Variants in MACF1 observed in about 807,000 individuals in gnomAD.
MACF1 encodes microtubule actin crosslinking factor 1.
Under a neutral mutation model 854.8 loss-of-function variants are expected in MACF1, and 193 were observed. The ratio of observed to expected loss-of-function variants is 0.23; its 90% CI spans 0.20 to 0.25. The LOEUF (loss-of-function observed/expected upper bound fraction) is 0.25, where lower values mean the gene tolerates loss of function less well. Ranked by LOEUF, MACF1 falls within the 10% of genes least tolerant of loss-of-function variation. The pLI is 1.00. For synonymous variants in MACF1, 3,185 were observed against 3,226.7 expected (o/e 0.99, Z 0.44); for missense variants, 7,722 against 8,929.1 (o/e 0.86, Z 5.45).
rs187137636 is a variant in MACF1 at position 39,381,979 on chromosome 1, G to T, written c.13675G>T (p.Val4559Phe). The T allele has an allele frequency of 2.8e-4, 455 of 1,614,008 alleles. 3 individuals carry two copies. The East Asian group carries it at 5.9e-3, about 21-fold the overall frequency. Residue 4559 changes from valine to phenylalanine, a missense_variant, in exon 56 of 101, where the codon GTT becomes TTT. Val to Phe is a conservative substitution (Grantham distance 50). Around this residue, in one of 15 missense-constraint regions of MACF1, gnomAD observed 2,807 missense variants for 3,235.8 expected, o/e 0.87. Transcript: ENST00000564288. ...TTCCCGATGGGAAAGGGCCACTGAG[G>T]TTACTGTGGCTCGGCAAAGGCAGCT... The part of the protein sequence containing the change: ...LNSRWERATE[V>F]TVARQRQLEE...
intron 58 of MACF1, chr1:39,411,712 C>G (rs1445362269): frequency 1.2e-6 from 2 of 1,613,826 alleles, no homozygotes; most frequent in Non-Finnish European, 1.7e-6. Flanking sequence ...AGTAACTCCT[C>G]TAGTTGAGCT....
In MACF1 at chr1:39,123,727, T is replaced by G. The variant is rs1165123191; in HGVS notation, c.220+39289T>G. Among the ~76,000 whole-genome samples, 6 of 141,264 alleles carry G rather than the reference T, an allele frequency of 4.2e-5. 1 individual carries two copies. The highest frequency in any genetic ancestry group is 2.1e-4 in the East Asian group (1 of 4,742). The allele number at this position is 141,264 out of a possible 152,430, so 92.7% of individuals were successfully genotyped here. ...GCTAATTCTTGTTTTGTTTTTTTTT[T>G]TTTTTTTTTTGTCCGAGGCAGAGTC... On this transcript the variant is annotated intron_variant, in intron 2 of 93. Coordinates refer to the MACF1 transcript ENST00000361689.
At chr1:39,216,231 T>C (rs1190590359) in intron 1 of MACF1, among the ~76,000 whole-genome samples, 2 of 152,364 alleles carry the variant, frequency 1.3e-5, no homozygotes, top group East Asian at 1.9e-4. Flanking sequence ...TCTCCTACTT[T>C]CTAATGTTAA....
intron 97 of MACF1, among the ~76,000 whole-genome samples, chr1:39,477,112 CTTAGTGTATATATATATATAT>C (rs1268487240): frequency 1.1e-4 from 9 of 83,360 alleles, no homozygotes; most frequent in African/African-American, 3.7e-4. Flanking sequence ...CATATATACA[CTTAGTGTATATATATATATAT>C]ATACACACAC....
rs1215398497 is a variant in MACF1 at position 39,444,782 on chromosome 1, G to A, written c.19552G>A (p.Ala6518Thr). 2.5e-6 allele frequency: 4 copies of A among 1,613,858 alleles called. No homozygotes were observed. In the South Asian group the frequency reaches 4.4e-5, roughly 18 times the overall value. Residue 6518 changes from alanine to threonine, a missense_variant, in exon 80 of 101, where the codon GCA becomes ACA. By Grantham distance (58) the Ala-to-Thr change is moderately conservative (BLOSUM62 0). Transcript: ENST00000564288. ...GSGSKTEQSV[A>T]LLEQKWHVVS... ...TGGCTCCAAGACAGAACAGAGTGTA[G>A]CACTTTTGGAGCAGAAGTGGCATGT...
intron 67 of MACF1, 106 bp downstream of exon 67, chr1:39,432,760 G>A: frequency 8.3e-7 from 1 of 1,205,554 alleles, no homozygotes; most frequent in Non-Finnish European, 1.1e-6. Context: ...GTGGCATGAT[G>A]GTAAATAGAA....
intron 26 of MACF1, among the ~76,000 whole-genome samples, chr1:39,313,517 C>T (rs190126283): frequency 6.6e-6 from 1 of 152,218 alleles, no homozygotes; most frequent in Non-Finnish European, 1.5e-5. Context: ...GGCCTTCTTT[C>T]CTTTTCTGTA....
chr1:39,444,875 T>C (rs1644192542), intron 80 of MACF1, 40 bp downstream of exon 80: 1 of 1,501,100 alleles, frequency 6.7e-7, no homozygotes, highest in African/African-American at 1.4e-5. Context: ...ATTTGCTGAG[T>C]GATTGCATGT....
In MACF1 at chr1:39,300,261, G is replaced by C; in HGVS notation, c.2533G>C (p.Gly845Arg). ...QSKSSVASLV[G>R]RSKTIVQLKP... Reference sequence around the variant, plus strand: ...CAAGAGTTCCGTTGCCAGTCTCGTTGGGAGATCAAAAACCATCGTTCAGCT... The same window carrying C: ...CAAGAGTTCCGTTGCCAGTCTCGTTCGGAGATCAAAAACCATCGTTCAGCT... The change falls in exon 22 of 101, where the codon GGG becomes CGG. Residue 845 changes from glycine (G) to arginine (R), a missense_variant. Physicochemically the swap from Gly to Arg is moderately radical, Grantham distance 125. Transcript: ENST00000564288. 6.2e-7 allele frequency: 1 copy of C among 1,613,948 alleles called. No homozygotes were observed. The highest frequency in any genetic ancestry group is 8.5e-7 in the Non-Finnish European group (1 of 1,179,974).
intron 99 of MACF1, among the ~76,000 whole-genome samples, chr1:39,481,989 A>G (rs1422030796): frequency 4.6e-5 from 7 of 152,204 alleles, no homozygotes; most frequent in Non-Finnish European, 5.9e-5. Flanking sequence ...CACCCTGCTT[A>G]TCTTGCTTTT....
At chr1:39,228,072 A>G (rs1644736186) in intron 1 of MACF1, among the ~76,000 whole-genome samples, 1 of 152,196 alleles carries the variant, frequency 6.6e-6, no homozygotes, top group Non-Finnish European at 1.5e-5. Flanking sequence ...GCATTTTGGG[A>G]GGCCAACGCG....
chr1:39,427,283 G>A (rs1332490947), intron 61 of MACF1, among the ~76,000 whole-genome samples, 172 bp from the exon 62 acceptor site: 2 of 152,130 alleles, frequency 1.3e-5, no homozygotes, highest in Admixed American at 6.5e-5. Flanking sequence ...TGAGAATAAG[G>A]TTAATGGTGT....
At chr1:39,292,893 C>T in intron 17 of MACF1, 50 bp downstream of exon 17, 1 of 1,439,760 alleles carries the variant, frequency 6.9e-7, no homozygotes, top group Middle Eastern at 1.8e-4. Context: ...TCTGGTTCCC[C>T]CCAATCAACT....
Position 39,340,647 on chromosome 1 carries a change from C to T in MACF1, c.10361C>T (p.Ser3454Phe), listed in dbSNP as rs763340672. The stretch of plus-strand genomic sequence containing the variant: ...AAAGATGCCAAGAATCTTCAGAAGT[C>T]TCTCAGCTCTGTGAGTGACACTTGG... ...LEKDAKNLQKSLSSVSDTWNS... is the reference protein window; with the variant it reads ...LEKDAKNLQKFLSSVSDTWNS... The change falls in exon 39 of 101, where the codon TCT (serine) becomes TTT (phenylalanine). Residue 3454 changes from serine to phenylalanine, a missense_variant. Coordinates refer to ENST00000564288, the MANE Select transcript of MACF1 (RefSeq NM_001394062.1). 5 of 1,614,174 alleles carry T rather than the reference C, an allele frequency of 3.1e-6. No individual in the cohort carries two copies. Among genetic ancestry groups the T allele is most frequent in the Non-Finnish European group, 4.2e-6 (5 of 1,180,020 alleles).
chr1:39,132,658 C>T (rs1643031291), intron 2 of MACF1, among the ~76,000 whole-genome samples: 1 of 152,174 alleles, frequency 6.6e-6, no homozygotes, highest in Admixed American at 6.5e-5. Context: ...ATTCCTCCCC[C>T]TTCCTTCTGG....
chr1:39,292,901 A>T (rs1379871030), intron 17 of MACF1, 58 bp downstream of exon 17: 19 of 1,379,752 alleles, frequency 1.4e-5, no homozygotes, highest in Non-Finnish European at 1.8e-5. Context: ...CCCCCAATCA[A>T]CTCTCTTCCG....
rs1646781596 is a variant in MACF1 at position 39,334,667 on chromosome 1, C to CA, written c.8080dup (p.Ile2694AsnfsTer22). On this transcript the variant is annotated frameshift_variant, in exon 37 of 101. Transcript: ENST00000564288. LOFTEE classifies it high-confidence loss of function. ...AAGCCCAGGCAAATACTGGTGGAAT[C>CA]ATAGATACTGCTACTGGAAAAAGAC... 1 of 1,614,062 alleles carries CA rather than the reference C, an allele frequency of 6.2e-7. No individual in the cohort carries two copies. The highest frequency in any genetic ancestry group is 1.3e-5 in the African/African-American group (1 of 75,048).
rs1453397309 is a variant in MACF1, at chr1:39,440,096, CTTTTCTTTTCTTTTCTTTTTTTT to C, written c.18447+601_18447+623del. The stretch of plus-strand genomic sequence containing the variant: ...TGCTATTTTTCTTTTCTTTTCTTTT[CTTTTCTTTTCTTTTCTTTTTTTT>C]TTTTTTTTTTGGAGACAGGGTCTCA... On this transcript the variant is annotated intron_variant, in intron 72 of 100. Transcript: ENST00000564288. 4.2e-4 allele frequency among the ~76,000 whole-genome samples: 43 copies of C among 102,042 alleles called. 1 individual carries two copies. The highest frequency in any genetic ancestry group is 1.9e-3 in the African/African-American group (43 of 22,472). The allele number at this position is 102,042 out of a possible 152,430, so 66.9% of individuals were successfully genotyped here. A position where few individuals can be genotyped will look rare whatever the true frequency, so the allele number is the denominator to read the frequency against.
intron 2 of MACF1, among the ~76,000 whole-genome samples, chr1:39,176,510 A>T (rs1208563673): frequency 6.6e-6 from 1 of 152,120 alleles, no homozygotes; most frequent in East Asian, 1.9e-4. Flanking sequence ...TAGGTCCTCT[A>T]ACTTTTGATT....
Sources: allele counts gnomAD v4.1 joint callset (sites outside exome capture counted in the v4.1 genomes callset), GRCh38; gene constraint gnomAD v4.1.1; regional missense constraint gnomAD v4.1.1; transcripts MANE v1.5; gene names NCBI Gene and HGNC (gene_info 2026-07-23, HGNC 2026-07-21).